BABAM2: variants seen among roughly 807,000 people sequenced by gnomAD.
BABAM2 encodes BRISC and BRCA1 A complex member 2, also known as BRISC and BRCA1-A complex member 2.
A neutral mutation model predicts 54.7 loss-of-function variants in BABAM2; 31 were observed. The observed-to-expected ratio is 0.57, with a 90% CI of 0.43 to 0.77. BABAM2 has a LOEUF of 0.77. Among genes scored for constraint, BABAM2 ranks in the 30% least tolerant of loss-of-function variants. BABAM2 has a pLI of 0.00. For synonymous variants in BABAM2, 167 were observed against 162.9 expected, an observed-to-expected ratio of 1.03 and a Z score of -0.19; for missense variants, 364 against 455.8, an observed-to-expected ratio of 0.80 and a Z score of 1.83.
chr2:27,917,947 C>T (rs568147193), intron 2 of BABAM2, among the ~76,000 whole-genome samples: 18 of 151,940 alleles, frequency 1.2e-4, no homozygotes, highest in Admixed American at 1.1e-3. Context: ...ATTAAGTGTC[C>T]AGAAATGTGA....
chr2:28,034,607 A>T (rs1676530526), intron 5 of BABAM2, among the ~76,000 whole-genome samples: 3 of 152,158 alleles, frequency 2.0e-5, no homozygotes, highest in African/African-American at 7.2e-5. Flanking sequence ...GCAAGGTAAA[A>T]GTGAAAATCA....
At chr2:28,158,666 T>C (rs938734737) in intron 7 of BABAM2, among the ~76,000 whole-genome samples, 4 of 152,268 alleles carry the variant, frequency 2.6e-5, no homozygotes, top group African/African-American at 7.2e-5. Flanking sequence ...AAATTCCTTC[T>C]TTCAGCATTA....
At chr2:27,898,254 T>C (rs1195110638) in intron 2 of BABAM2, among the ~76,000 whole-genome samples, 1 of 152,214 alleles carries the variant, frequency 6.6e-6, no homozygotes, top group African/African-American at 2.4e-5. Flanking sequence ...TTCATCAAGA[T>C]TGTGCCTAAT....
chr2:28,237,825 G>A (rs1682052891), intron 8 of BABAM2, among the ~76,000 whole-genome samples: 1 of 152,070 alleles, frequency 6.6e-6, no homozygotes, highest in Non-Finnish European at 1.5e-5. Context: ...CTGTGCCTAG[G>A]GGTAAGATTC....
chr2:28,003,460 G>A (rs1673720114), intron 4 of BABAM2, among the ~76,000 whole-genome samples: 2 of 152,096 alleles, frequency 1.3e-5, no homozygotes, highest in African/African-American at 4.8e-5. Context: ...GCATGGTGGT[G>A]CGCACCTGTA....
intron 7 of BABAM2, among the ~76,000 whole-genome samples, chr2:28,146,202 A>G (rs948029512): frequency 6.6e-6 from 1 of 152,138 alleles, no homozygotes; most frequent in Admixed American, 6.5e-5. Context: ...TAGATACATA[A>G]TTTGCAAATA....
intron 6 of BABAM2, among the ~76,000 whole-genome samples, chr2:28,110,970 CTT>C (rs551330384): frequency 7.5e-5 from 10 of 133,036 alleles, no homozygotes; most frequent in Non-Finnish European, 9.8e-5. Flanking sequence ...TTGGCTGTTT[CTT>C]TTTTTTTTTT....
At chr2:28,203,369 C>A (rs1165183493) in intron 7 of BABAM2, among the ~76,000 whole-genome samples, 2 of 152,122 alleles carry the variant, frequency 1.3e-5, no homozygotes, top group Non-Finnish European at 2.9e-5. Flanking sequence ...TTTTGGAAGA[C>A]CCTCATGGAT....
At chr2:28,204,621 A>C (rs979809067) in intron 7 of BABAM2, among the ~76,000 whole-genome samples, 2 of 151,152 alleles carry the variant, frequency 1.3e-5, no homozygotes, top group Non-Finnish European at 3.0e-5. Context: ...CTGAAGTTTC[A>C]CTCGGTGGGA....
intron 7 of BABAM2, among the ~76,000 whole-genome samples, chr2:28,168,504 T>G (rs1673963590): frequency 6.6e-6 from 1 of 152,162 alleles, no homozygotes; most frequent in Admixed American, 6.5e-5. Flanking sequence ...TGGCTATGAA[T>G]TTTTTCCTTT....
At chr2:28,112,151 C>CTTTCTTTCTTTCTT (rs1261759583) in intron 6 of BABAM2, among the ~76,000 whole-genome samples, 1,258 of 19,608 alleles carry the variant, frequency 0.064, 410 homozygotes, top group South Asian at 0.081. Flanking sequence ...CTTTCTTTAC[C>CTTTCTTTCTTTCTT]TCCCTCCCTC....
chr2:27,920,637 G>T (rs1318016530), intron 2 of BABAM2, among the ~76,000 whole-genome samples: 2 of 152,136 alleles, frequency 1.3e-5, no homozygotes, highest in African/African-American at 4.8e-5. Flanking sequence ...CTTCTCAGCT[G>T]ATGTTAAATA....
chr2:28,108,064 G>A (rs1396747508), intron 6 of BABAM2, among the ~76,000 whole-genome samples: 6 of 148,232 alleles, frequency 4.0e-5, no homozygotes, highest in Admixed American at 1.3e-4. Flanking sequence ...TTGCTGTTCC[G>A]TTTTTTTTTT....
chr2:28,287,664 G>A (rs925870712), intron 10 of BABAM2, among the ~76,000 whole-genome samples: 24 of 152,206 alleles, frequency 1.6e-4, no homozygotes, highest in Non-Finnish European at 3.2e-4. Flanking sequence ...CTTCCTGGAA[G>A]AAGGCGGGGC....
chr2:28,203,654 T>C (rs539566014), intron 7 of BABAM2, among the ~76,000 whole-genome samples: 225 of 152,292 alleles, frequency 1.5e-3, no homozygotes, highest in African/African-American at 5.2e-3. Context: ...ATAAGAGACG[T>C]TTTTCATTTA....
At chr2:28,013,290 T>C (rs1031196193) in intron 4 of BABAM2, 1 of 448,178 alleles carries the variant, frequency 2.2e-6, no homozygotes, top group Non-Finnish European at 4.5e-6. Flanking sequence ...CTGATAAGAT[T>C]CCACCAGTAG....
intron 3 of BABAM2, among the ~76,000 whole-genome samples, chr2:27,961,407 A>C (rs1178049493): frequency 6.6e-6 from 1 of 152,200 alleles, no homozygotes; most frequent in Non-Finnish European, 1.5e-5. Flanking sequence ...AATCAATTAC[A>C]TGAGATAGTC....
At chr2:27,997,265 G>GTTGAATGCAGC (rs140423445) in intron 4 of BABAM2, among the ~76,000 whole-genome samples, 11,945 of 152,104 alleles carry the variant, frequency 0.079, 789 homozygotes, top group African/African-American at 0.18. Flanking sequence ...GTTCTCTTGA[G>GTTGAATGCAGC]TTGTAATCAA....
At chr2:27,955,417 A>C (rs1670014019) in intron 3 of BABAM2, among the ~76,000 whole-genome samples, 1 of 152,198 alleles carries the variant, frequency 6.6e-6, no homozygotes, top group South Asian at 2.1e-4. Context: ...TCTTCCTTTA[A>C]AGAACAAAAA....
Sources: allele counts gnomAD v4.1 joint callset (sites outside exome capture counted in the v4.1 genomes callset), GRCh38; gene constraint gnomAD v4.1.1; transcripts MANE v1.5; gene names NCBI Gene and HGNC (gene_info 2026-07-23, HGNC 2026-07-21).